LOXL2: variants seen among roughly 807,000 people sequenced by gnomAD.
LOXL2 encodes lysyl oxidase like 2, also known as lysyl oxidase homolog 2.
LOXL2 carries 70 observed loss-of-function variants against 93.0 expected under a neutral mutation model. The observed-to-expected ratio is 0.75, with a 90% CI of 0.62 to 0.92. LOXL2 has a LOEUF of 0.92. Ranked by LOEUF, LOXL2 falls within the 40% of genes least tolerant of loss-of-function variation. The pLI is 0.00. For synonymous variants in LOXL2, 438 were observed against 413.2 expected, an observed-to-expected ratio of 1.06 and a Z score of -0.73; for missense variants, 973 against 1,054.9, an observed-to-expected ratio of 0.92 and a Z score of 1.08.
intron 3 of LOXL2, among the ~76,000 whole-genome samples, chr8:23,355,206 A>C (rs1585367315): frequency 1.3e-5 from 2 of 151,646 alleles, no homozygotes; most frequent in Non-Finnish European, 2.9e-5. Context: ...CGGCCTCCCA[A>C]AGTGCTGGGA....
At chr8:23,300,307 C>T (rs1803108644) in intron 12 of LOXL2, among the ~76,000 whole-genome samples, 1 of 152,242 alleles carries the variant, frequency 6.6e-6, no homozygotes, top group East Asian at 1.9e-4. Context: ...CGAGGGCCTG[C>T]GGGAAGTGGC....
At chr8:23,360,335 G>T in intron 2 of LOXL2, 70 bp from the exon 3 acceptor site, 1 of 1,194,238 alleles carries the variant, frequency 8.4e-7, no homozygotes, top group Non-Finnish European at 1.2e-6. Flanking sequence ...CGGGGCACCA[G>T]TGTCTCACAT....
At chr8:23,326,619 T>C (rs572678542) in intron 6 of LOXL2, among the ~76,000 whole-genome samples, 1 of 152,180 alleles carries the variant, frequency 6.6e-6, no homozygotes, top group East Asian at 1.9e-4. Flanking sequence ...CTGGGTGTGG[T>C]GGTGCACACC....
At chr8:23,381,757 C>T (rs556255481) in intron 1 of LOXL2, among the ~76,000 whole-genome samples, 60 of 152,336 alleles carry the variant, frequency 3.9e-4, no homozygotes, top group African/African-American at 1.3e-3. Flanking sequence ...GGTGACCGCG[C>T]TGCCTCCTGC....
intron 8 of LOXL2, 72 bp downstream of exon 8, chr8:23,319,813 G>A: frequency 6.0e-6 from 9 of 1,503,078 alleles, no homozygotes; most frequent in Non-Finnish European, 8.2e-6. Flanking sequence ...GTGGGAGAGG[G>A]GGGCTGACTG....
intron 4 of LOXL2, among the ~76,000 whole-genome samples, chr8:23,339,204 C>T (rs1227072958): frequency 1.3e-5 from 2 of 152,280 alleles, no homozygotes; most frequent in Middle Eastern, 3.4e-3. Context: ...CTGAGAAGGT[C>T]GTGCTTCCCT....
chr8:23,368,020 C>G lies in LOXL2; in HGVS notation c.332G>C (p.Ser111Thr), dbSNP rs1194328134. ...GYVEAKSWTA[S>T]SSYGKGEGPI... ...ACCTTCTCCCTTGCCGTAGGAGGAG[C>G]TGGCAGTCCAGGACTTGGCCTCCAC... is the stretch of plus-strand genomic sequence containing the variant. Residue 111 changes from serine (S) to threonine (T), a missense_variant, in exon 2 of 14, where the codon AGC (serine) becomes ACC (threonine). By Grantham distance (58) the Ser-to-Thr change is moderately conservative. Transcript: ENST00000389131. 1 of 1,613,352 alleles carries G rather than the reference C, an allele frequency of 6.2e-7. No individual in the cohort carries two copies. The highest frequency in any genetic ancestry group is 1.3e-5 in the African/African-American group (1 of 75,060).
intron 5 of LOXL2, 73 bp from the exon 6 acceptor site, chr8:23,328,638 C>G (rs1803626886): frequency 6.9e-7 from 1 of 1,440,534 alleles, no homozygotes; most frequent in Admixed American, 1.7e-5. Flanking sequence ...TCCCCGCCCC[C>G]TCCCTTCCCT....
intron 2 of LOXL2, among the ~76,000 whole-genome samples, chr8:23,360,715 G>A (rs7010521): frequency 0.053 from 8,103 of 152,214 alleles, 212 homozygotes; most frequent in Admixed American, 0.083. Context: ...CTAGTTCATT[G>A]CTGGTCACAG....
intron 1 of LOXL2, among the ~76,000 whole-genome samples, chr8:23,400,061 T>C (rs1203003480): frequency 6.6e-6 from 1 of 152,226 alleles, no homozygotes; most frequent in Admixed American, 6.5e-5. Context: ...AGATTCCTTT[T>C]TCCCACATGA....
At chr8:23,309,088 C>T (rs2117146079) in intron 10 of LOXL2, among the ~76,000 whole-genome samples, 1 of 151,696 alleles carries the variant, frequency 6.6e-6, no homozygotes, top group Middle Eastern at 3.4e-3. Context: ...GGGTTCACGC[C>T]ATTCTCCTGC....
At chr8:23,380,753 C>A (rs1465541026) in intron 1 of LOXL2, among the ~76,000 whole-genome samples, 1 of 152,126 alleles carries the variant, frequency 6.6e-6, no homozygotes, top group Non-Finnish European at 1.5e-5. Context: ...GTGGTTCAAG[C>A]CTGTAATCCC....
chr8:23,326,796 G>A (rs1184359565), intron 6 of LOXL2, among the ~76,000 whole-genome samples: 1 of 152,172 alleles, frequency 6.6e-6, no homozygotes, highest in Non-Finnish European at 1.5e-5. Context: ...CAGGGAAGGA[G>A]CACTGTTATA....
chr8:23,395,147 G>A (rs1800074580), intron 1 of LOXL2, among the ~76,000 whole-genome samples: 2 of 152,104 alleles, frequency 1.3e-5, no homozygotes, highest in African/African-American at 4.8e-5. Flanking sequence ...CCAGCTACTT[G>A]GGAGGATGAG....
At chr8:23,382,170 T>A (rs749799044) in intron 1 of LOXL2, among the ~76,000 whole-genome samples, 4 of 152,068 alleles carry the variant, frequency 2.6e-5, no homozygotes, top group African/African-American at 9.7e-5. Flanking sequence ...GAAAACCATG[T>A]CCCCTTTTTC....
At chr8:23,336,333 G>T (rs940353532) in intron 4 of LOXL2, 3 of 152,408 alleles carry the variant, frequency 2.0e-5, no homozygotes, top group Non-Finnish European at 4.4e-5. Context: ...CCTCTAGCAC[G>T]TTCAGGCCTC....
chr8:23,304,171 G>C (rs920095577), intron 10 of LOXL2, among the ~76,000 whole-genome samples: 11 of 152,270 alleles, frequency 7.2e-5, no homozygotes, highest in Non-Finnish European at 1.2e-4. Context: ...TTCCAGAAAA[G>C]AGTTCTGCAG....
intron 11 of LOXL2, among the ~76,000 whole-genome samples, chr8:23,302,912 G>A (rs537695316): frequency 6.6e-6 from 1 of 152,220 alleles, no homozygotes; most frequent in South Asian, 2.1e-4. Flanking sequence ...GGTGTGGTAG[G>A]GACACTTGGC....
At chr8:23,339,256 A>G (rs77462021) in intron 4 of LOXL2, among the ~76,000 whole-genome samples, 7 of 152,182 alleles carry the variant, frequency 4.6e-5, no homozygotes, top group African/African-American at 1.7e-4. Flanking sequence ...CTCTCCAGCT[A>G]GAAGGCTGCA....
Sources: allele counts gnomAD v4.1 joint callset (sites outside exome capture counted in the v4.1 genomes callset), GRCh38; gene constraint gnomAD v4.1.1; transcripts MANE v1.5; gene names NCBI Gene and HGNC (gene_info 2026-07-23, HGNC 2026-07-21).